Variants in SHPRH observed in about 807,000 individuals in gnomAD.
The protein encoded by SHPRH is SNF2 histone linker PHD RING helicase.
SHPRH carries 106 observed loss-of-function variants against 202.5 expected under a neutral mutation model. The observed-to-expected ratio is 0.52, with a 90% CI of 0.45 to 0.62. SHPRH has a LOEUF of 0.62. Among genes scored for constraint, SHPRH ranks in the 20% least tolerant of loss-of-function variants. The pLI is 0.00. For missense variants in SHPRH, 1,710 were observed against 2,020.0 expected (o/e 0.85, Z 2.94); for synonymous variants, 729 against 686.0 (o/e 1.06, Z -0.98).
At chr6:145,923,361 C>A (rs1784592307) in intron 18 of SHPRH, among the ~76,000 whole-genome samples, 1 of 151,662 alleles carries the variant, frequency 6.6e-6, no homozygotes, top group South Asian at 2.1e-4. Flanking sequence ...TGTATAATTT[C>A]AATAGTTACT....
At chr6:145,876,607 A>G (rs961502194) in intron 2 of SHPRH, 10 of 152,178 alleles carry the variant, frequency 6.6e-5, no homozygotes, top group African/African-American at 1.9e-4. Flanking sequence ...ACATTTGCCT[A>G]CTATAAATAA....
chr6:145,950,532 C>G (rs777446862), intron 3 of SHPRH, 50 bp from the exon 4 acceptor site: 3 of 1,552,308 alleles, frequency 1.9e-6, no homozygotes, highest in Non-Finnish European at 2.6e-6. Flanking sequence ...TTTTTTCTAA[C>G]TATAAGCAAT....
chr6:145,940,240 A>G (rs560626514), intron 11 of SHPRH, among the ~76,000 whole-genome samples: 2 of 152,278 alleles, frequency 1.3e-5, no homozygotes, highest in Admixed American at 1.3e-4. Context: ...AAGACTACTA[A>G]TAACTTATAT....
downstream of SHPRH, among the ~76,000 whole-genome samples, chr6:145,860,716 C>T (rs1779551797): frequency 2.0e-5 from 3 of 151,976 alleles, no homozygotes; most frequent in Admixed American, 2.0e-4. Flanking sequence ...AAGAACAAAA[C>T]CAGAGGTATC....
intron 2 of SHPRH, among the ~76,000 whole-genome samples, chr6:145,874,519 T>C (rs975521092): frequency 2.0e-5 from 3 of 152,182 alleles, no homozygotes; most frequent in African/African-American, 4.8e-5. Context: ...AAATTGTACA[T>C]ATTTAAGGTG....
Position 145,941,720 on chromosome 6 carries a change from T to C in SHPRH, c.2393A>G (p.Gln798Arg), listed in dbSNP as rs776411385. ...GCTCGGGATAGCCATATAGCGCTTCTGGTTCCGTAGGCGACGCCCATCCTC... is the reference window on the plus strand; with the variant it reads ...GCTCGGGATAGCCATATAGCGCTTCCGGTTCCGTAGGCGACGCCCATCCTC... ...NSEDGRRLRNQKRYMAIPSPL... is the reference protein window; with the variant it reads ...NSEDGRRLRNRKRYMAIPSPL... The change falls in exon 10 of 30, where the codon CAG becomes CGG. Residue 798 changes from glutamine (Q) to arginine (R), a missense_variant. Coordinates refer to ENST00000275233, the MANE Select transcript of SHPRH (RefSeq NM_001042683.3). The C allele has an allele frequency of 1.9e-6, 3 of 1,614,070 alleles. No homozygotes were observed. Among genetic ancestry groups the C allele is most frequent in the South Asian group, 1.1e-5 (1 of 91,082 alleles).
downstream of SHPRH, among the ~76,000 whole-genome samples, chr6:145,880,783 A>C (rs1224391012): frequency 6.6e-6 from 1 of 152,028 alleles, no homozygotes; most frequent in Non-Finnish European, 1.5e-5. Flanking sequence ...AAAATAGAAA[A>C]TATACTTTTT....
Position 145,886,641 on chromosome 6 carries a change from T to G in SHPRH, c.*50A>C. On this transcript the variant is annotated 3_prime_UTR_variant, in exon 30 of 30. Transcript: ENST00000275233. The stretch of plus-strand genomic sequence containing the variant: ...AAAACTTGTAACTTTGCTCTACAGC[T>G]ATGAAAGTTTATTAATACACTAAAG... 6.2e-7 allele frequency: 1 copy of G among 1,600,390 alleles called. No homozygotes were observed. The highest frequency in any genetic ancestry group is 8.5e-7 in the Non-Finnish European group (1 of 1,174,736).
chr6:145,910,827 T>C (rs1783426487), intron 24 of SHPRH, among the ~76,000 whole-genome samples, 191 bp from the exon 25 acceptor site: 1 of 152,182 alleles, frequency 6.6e-6, no homozygotes, highest in Non-Finnish European at 1.5e-5. Flanking sequence ...TAGTTCTGTT[T>C]ATCCTAAAAG....
rs771997385 is a variant in SHPRH at position 145,943,162 on chromosome 6, G to A, written c.2219C>T (p.Ser740Leu). The A allele has an allele frequency of 5.6e-6, 9 of 1,598,688 alleles. No individual in the cohort carries two copies. In the Admixed American group the frequency reaches 8.5e-5, roughly 15 times the overall value. The change falls in exon 9 of 30, where the codon TCG becomes TTG. Residue 740 changes from serine to leucine, a missense_variant. Ser to Leu is a moderately radical substitution (Grantham distance 145). Coordinates refer to ENST00000275233, the MANE Select transcript of SHPRH (RefSeq NM_001042683.3). ...WVDEINRHVRSSSLRVLVYQG... is the reference protein window; with the variant it reads ...WVDEINRHVRLSSLRVLVYQG... The stretch of plus-strand genomic sequence containing the variant: ...CCTTACCAAGACTCGAAGAGATGAC[G>A]ACCTCACATGCCTGTTGATCTCATC...
At chr6:145,956,816 T>C (rs967000825) in intron 1 of SHPRH, among the ~76,000 whole-genome samples, 1 of 152,266 alleles carries the variant, frequency 6.6e-6, no homozygotes, top group East Asian at 1.9e-4. Flanking sequence ...AATGTTCAGA[T>C]GTCAATTTCT....
rs1390983534 is a variant in SHPRH at position 145,943,095 on chromosome 6, A to G, written c.2238+48T>C. 2.0e-6 allele frequency: 3 copies of G among 1,514,614 alleles called. No individual in the cohort carries two copies. In the South Asian group the frequency reaches 4.0e-5, roughly 20 times the overall value. The allele number at this position is 1,514,614 out of a possible 1,614,324, so 93.8% of individuals were successfully genotyped here. ...AAAGATTAGGAAACTATCATGAAGA[A>G]GCAAAACTTTACATTTTCCTCTCCC... On this transcript the variant is annotated intron_variant, in intron 9 of 29. Coordinates refer to ENST00000275233, the MANE Select transcript of SHPRH (RefSeq NM_001042683.3).
intron 17 of SHPRH, 24 bp downstream of exon 17, chr6:145,924,715 A>T: frequency 6.3e-7 from 1 of 1,599,732 alleles, no homozygotes. Context: ...AAATACAAGT[A>T]AGAAACACTG....
intron 2 of SHPRH, among the ~76,000 whole-genome samples, chr6:145,874,816 T>G (rs1255007975): frequency 6.6e-6 from 1 of 152,226 alleles, no homozygotes; most frequent in East Asian, 1.9e-4. Context: ...CTGAATAAAC[T>G]TGTCAATGAT....
intron 16 of SHPRH, among the ~76,000 whole-genome samples, chr6:145,925,509 C>T (rs1055747555): frequency 1.3e-5 from 2 of 151,722 alleles, no homozygotes; most frequent in African/African-American, 4.8e-5. Context: ...GGCACCTCCG[C>T]CCCCAAAACA....
At chr6:145,921,089 A>T (rs1784396737) in intron 21 of SHPRH, 78 bp downstream of exon 21, 14 of 1,249,094 alleles carry the variant, frequency 1.1e-5, no homozygotes, top group Non-Finnish European at 1.4e-5. Flanking sequence ...AAAACTGGAG[A>T]GAGAAAAAAG....
In SHPRH at chr6:145,933,090, G is replaced by A; in HGVS notation, c.3079C>T (p.Leu1027Phe). Residue 1027 changes from leucine to phenylalanine, a missense_variant, in exon 14 of 30, where the codon CTC becomes TTC. This residue lies in a region of SHPRH where 288 missense variants were observed against 317.8 expected (regional missense o/e 0.91). Transcript: ENST00000275233. Reference sequence around the variant, plus strand: ...ATATGAATGCCTGCTAAGCCATTGAGAGCACAAACTAGCTGTCGATGTGCT... The same window carrying A: ...ATATGAATGCCTGCTAAGCCATTGAAAGCACAAACTAGCTGTCGATGTGCT... ...EEAHRQLVCA[L>F]NGLAGIHIIK... 6.2e-7 allele frequency: 1 copy of A among 1,613,752 alleles called. No homozygotes were observed.
In SHPRH at chr6:145,885,670, G is replaced by A. The variant is rs1295390783; in HGVS notation, c.*1021C>T. ...ACACTTCGTTATTATCACTTGCAAC[G>A]ATTTGCTTATGTGAACATGGCATTC... On this transcript the variant is annotated 3_prime_UTR_variant, in exon 30 of 30. Coordinates refer to ENST00000275233, the MANE Select transcript of SHPRH (RefSeq NM_001042683.3). 2.0e-5 allele frequency: 3 copies of A among 152,050 alleles called. No homozygotes were observed. The highest frequency in any genetic ancestry group is 3.9e-4 in the East Asian group (2 of 5,186). 9.4% of individuals were successfully genotyped at this position (152,050 alleles called of 1,614,324 possible).
chr6:145,915,994 G>C (rs1257637850), intron 23 of SHPRH, among the ~76,000 whole-genome samples: 1 of 151,962 alleles, frequency 6.6e-6, no homozygotes, highest in Non-Finnish European at 1.5e-5. Context: ...AAGTATGCTA[G>C]ATCAAACAAC....
Sources: gnomAD v4.1 joint callset for allele counts (sites outside exome capture counted in the v4.1 genomes callset) on GRCh38, gnomAD v4.1.1 for gene constraint, gnomAD v4.1.1 regional missense constraint, MANE v1.5 for transcripts, NCBI Gene and HGNC (gene_info 2026-07-23, HGNC 2026-07-21) for gene names.